DPYD: variants seen among roughly 807,000 people sequenced by gnomAD.
DPYD encodes dihydropyrimidine dehydrogenase [NADP(+)].
A neutral mutation model predicts 116.2 loss-of-function variants in DPYD; 109 were observed. The ratio of observed to expected loss-of-function variants is 0.94; its 90% CI spans 0.80 to 1.10. The LOEUF (loss-of-function observed/expected upper bound fraction) is 1.10, where lower values mean the gene tolerates loss of function less well. Among genes scored for constraint, DPYD ranks in the 50% least tolerant of loss-of-function variants. DPYD has a pLI of 0.00. For synonymous variants in DPYD, 440 were observed against 432.0 expected (o/e 1.02, Z -0.23); for missense variants, 1,302 against 1,254.5 (o/e 1.04, Z -0.57).
At chr1:97,441,360 A>C (rs1324170964) in intron 14 of DPYD, among the ~76,000 whole-genome samples, 1 of 152,006 alleles carries the variant, frequency 6.6e-6, no homozygotes, top group Non-Finnish European at 1.5e-5. Flanking sequence ...TATTGTCACC[A>C]GCTCCCTGAT....
rs188164658 is a variant in DPYD at position 97,360,019 on chromosome 1, G to T, written c.2058+13542C>A. ...ATTAAAAGACATGGACTGGCAAACT[G>T]GATATTCAAGACCCATCAGTGTGCT... is the stretch of plus-strand genomic sequence containing the variant. On this transcript the variant is annotated intron_variant, in intron 16 of 22. Transcript: ENST00000370192. 2.6e-4 allele frequency among the ~76,000 whole-genome samples: 40 copies of T among 151,994 alleles called. No individual in the cohort carries two copies. In the East Asian group the frequency reaches 4.7e-3, roughly 18 times the overall value.
chr1:97,189,022 G>A (rs913877490), intron 20 of DPYD, among the ~76,000 whole-genome samples: 2 of 152,138 alleles, frequency 1.3e-5, no homozygotes, highest in Admixed American at 6.6e-5. Flanking sequence ...GGTAAGTCAA[G>A]TGATTACTAA....
chr1:97,172,941 C>G (rs1490114351), intron 20 of DPYD, among the ~76,000 whole-genome samples: 1 of 152,112 alleles, frequency 6.6e-6, no homozygotes, highest in Admixed American at 6.6e-5. Context: ...CCCAACTGCT[C>G]CTGATGCCCT....
intron 12 of DPYD, among the ~76,000 whole-genome samples, chr1:97,530,184 G>A (rs1468810672): frequency 6.7e-6 from 1 of 148,486 alleles, no homozygotes; most frequent in Non-Finnish European, 1.5e-5. Flanking sequence ...ATATTCTCTT[G>A]GATGTATACA....
intron 19 of DPYD, among the ~76,000 whole-genome samples, chr1:97,201,632 T>C (rs1158384738): frequency 6.6e-6 from 1 of 152,178 alleles, no homozygotes; most frequent in Non-Finnish European, 1.5e-5. Context: ...GGGGATGTAT[T>C]TGTATATTCA....
chr1:97,548,922 C>G (rs1398019235), intron 12 of DPYD, among the ~76,000 whole-genome samples: 1 of 151,988 alleles, frequency 6.6e-6, no homozygotes, highest in East Asian at 1.9e-4. Context: ...AATGTAGATT[C>G]TAGTATATGT....
chr1:97,661,788 T>C (rs1659271851), intron 8 of DPYD, among the ~76,000 whole-genome samples: 1 of 152,040 alleles, frequency 6.6e-6, no homozygotes, highest in Admixed American at 6.5e-5. Context: ...ATATGTTAAT[T>C]AATGTTAAGG....
intron 14 of DPYD, among the ~76,000 whole-genome samples, chr1:97,438,762 A>G (rs1180067394): frequency 1.3e-5 from 2 of 152,064 alleles, no homozygotes; most frequent in Non-Finnish European, 2.9e-5. Context: ...CTGTTCCTGT[A>G]AATTAAGTGA....
At chr1:97,502,557 G>A (rs189655025) in intron 13 of DPYD, among the ~76,000 whole-genome samples, 5 of 152,102 alleles carry the variant, frequency 3.3e-5, no homozygotes, top group South Asian at 2.1e-4. Flanking sequence ...AAACAGCCAC[G>A]ATCTGATTTA....
intron 3 of DPYD, among the ~76,000 whole-genome samples, chr1:97,774,089 G>A (rs1240956469): frequency 1.3e-5 from 2 of 152,154 alleles, no homozygotes; most frequent in African/African-American, 2.4e-5. Flanking sequence ...CCCACTACCT[G>A]CCCATATGCA....
In DPYD at chr1:97,361,441, G is replaced by A. The variant is rs182127715; in HGVS notation, c.2058+12120C>T. On this transcript the variant is annotated intron_variant, in intron 16 of 22. Coordinates refer to ENST00000370192, the MANE Select transcript of DPYD (RefSeq NM_000110.4). ...TCAATAGAAAATGAGGGAATCCTCCGTAACTCATCTTATGAGGCCAGCATT... is the reference window on the plus strand; with the variant it reads ...TCAATAGAAAATGAGGGAATCCTCCATAACTCATCTTATGAGGCCAGCATT... 2.6e-4 allele frequency among the ~76,000 whole-genome samples: 40 copies of A among 152,122 alleles called. 1 individual carries two copies. The highest frequency in any genetic ancestry group is 1.7e-3 in the South Asian group (8 of 4,816).
intron 16 of DPYD, among the ~76,000 whole-genome samples, chr1:97,347,985 C>G (rs1379529847): frequency 6.6e-6 from 1 of 152,112 alleles, no homozygotes; most frequent in Non-Finnish European, 1.5e-5. Flanking sequence ...TGCTGGTCAG[C>G]CATTCTACAG....
chr1:97,296,974 A>C, intron 18 of DPYD, among the ~76,000 whole-genome samples: 1 of 152,162 alleles, frequency 6.6e-6, no homozygotes, highest in East Asian at 1.9e-4. Context: ...TCATATTTGC[A>C]AAACATGGGG....
chr1:97,739,517 T>C (rs141456937), intron 4 of DPYD, among the ~76,000 whole-genome samples: 3 of 152,264 alleles, frequency 2.0e-5, no homozygotes, highest in African/African-American at 7.2e-5. Context: ...GTATTTATCA[T>C]TTTTCTCCTA....
intron 14 of DPYD, among the ~76,000 whole-genome samples, chr1:97,392,958 C>T (rs1672795939): frequency 6.6e-6 from 1 of 152,046 alleles, no homozygotes; most frequent in Non-Finnish European, 1.5e-5. Context: ...TTAAGGGCAT[C>T]TAGAATGGTT....
At chr1:97,816,418 G>A (rs570235958) in intron 3 of DPYD, among the ~76,000 whole-genome samples, 23 of 151,840 alleles carry the variant, frequency 1.5e-4, no homozygotes, top group African/African-American at 5.6e-4. Flanking sequence ...TAATTCCATG[G>A]GTATAAAACT....
intron 14 of DPYD, among the ~76,000 whole-genome samples, chr1:97,449,497 A>G (rs1676280000): frequency 6.6e-6 from 1 of 152,140 alleles, no homozygotes; most frequent in African/African-American, 2.4e-5. Context: ...TAATCAGACT[A>G]TTGAAGAGAA....
chr1:97,702,980 T>C (rs991340726), intron 5 of DPYD, among the ~76,000 whole-genome samples: 5 of 152,114 alleles, frequency 3.3e-5, no homozygotes, highest in African/African-American at 1.2e-4. Context: ...TCAGTACACA[T>C]AGCATATGTG....
intron 5 of DPYD, among the ~76,000 whole-genome samples, chr1:97,716,980 G>A: frequency 6.6e-6 from 1 of 151,758 alleles, no homozygotes; most frequent in South Asian, 2.1e-4. Flanking sequence ...TGTGTATGGT[G>A]TACATGTGAT....
Sources: gnomAD v4.1 joint callset for allele counts (sites outside exome capture counted in the v4.1 genomes callset) on GRCh38, gnomAD v4.1.1 for gene constraint, MANE v1.5 for transcripts, NCBI Gene and HGNC (gene_info 2026-07-23, HGNC 2026-07-21) for gene names.